RHOU: variants seen among roughly 807,000 people sequenced by gnomAD.
RHOU encodes ras homolog family member U.
In RHOU, 8 loss-of-function variants were observed where a neutral mutation model predicts 12.6. The ratio of observed to expected loss-of-function variants is 0.64; its 90% CI spans 0.37 to 1.15. The LOEUF (loss-of-function observed/expected upper bound fraction) is 1.15. Ranked by LOEUF, RHOU falls within the 50% of genes most tolerant of loss-of-function variation. The pLI, the probability that RHOU is intolerant of heterozygous loss-of-function variation, is 0.01. For missense variants in RHOU, 258 were observed against 347.0 expected (o/e 0.74, Z 2.04); for synonymous variants, 161 against 147.4 (o/e 1.09, Z -0.67).
At chr1:228,711,211 A>G in the RHOU span, among the ~76,000 whole-genome samples, 2 of 151,900 alleles carry the variant, frequency 1.3e-5, no homozygotes, top group African/African-American at 4.8e-5. Context: ...AAGAATCAAT[A>G]TCGTGAAAAT....
chr1:228,697,027 C>T, the RHOU span, among the ~76,000 whole-genome samples: 3 of 152,294 alleles, frequency 2.0e-5, no homozygotes, highest in Non-Finnish European at 2.9e-5. Flanking sequence ...AGTGCTCCCA[C>T]CAGATCTGAC....
At chr1:228,704,976 G>A in the RHOU span, among the ~76,000 whole-genome samples, 3 of 151,756 alleles carry the variant, frequency 2.0e-5, no homozygotes, top group Admixed American at 6.6e-5. Context: ...AATTTTTTGT[G>A]TTTTTACTAG....
chr1:228,679,708 C>T, the RHOU span, among the ~76,000 whole-genome samples: 5 of 151,946 alleles, frequency 3.3e-5, no homozygotes, highest in Admixed American at 1.3e-4. Flanking sequence ...TTAAAGCATG[C>T]GGTGGGATGG....
chr1:228,715,987 T>C, the RHOU span, among the ~76,000 whole-genome samples: 110 of 151,994 alleles, frequency 7.2e-4, no homozygotes, highest in Non-Finnish European at 1.1e-3. Flanking sequence ...TGATCATGAT[T>C]CACTGCAGTC....
At chr1:228,673,074 C>T in the RHOU span, among the ~76,000 whole-genome samples, 2 of 152,120 alleles carry the variant, frequency 1.3e-5, no homozygotes, top group Non-Finnish European at 2.9e-5. Context: ...AATATACGTG[C>T]CCCAAATGCA....
At chr1:228,712,477 G>C in the RHOU span, among the ~76,000 whole-genome samples, 1 of 152,030 alleles carries the variant, frequency 6.6e-6, no homozygotes, top group Non-Finnish European at 1.5e-5. Flanking sequence ...ATACTATTCA[G>C]CCATACAAAA....
At chr1:228,666,069 C>G in the RHOU span, among the ~76,000 whole-genome samples, 2 of 151,850 alleles carry the variant, frequency 1.3e-5, no homozygotes, top group Admixed American at 6.6e-5. Context: ...GTGATCCCCC[C>G]ACCTGAGCCT....
Position 228,744,024 on chromosome 1 carries a change from T to C in RHOU, c.*284T>C. ...ACCTCTGGTTAATTTATATCTAATA[T>C]GAAGAAGACACCTCTAATCTGGATG... On this transcript the variant is annotated 3_prime_UTR_variant, in exon 3 of 3. Transcript: ENST00000366691. 1 of 333,048 alleles carries C rather than the reference T, an allele frequency of 3.0e-6. No homozygotes were observed. Among genetic ancestry groups the C allele is most frequent in the Non-Finnish European group, 5.5e-6 (1 of 181,550 alleles). 20.6% of individuals were successfully genotyped at this position (333,048 alleles called of 1,614,324 possible). A position where few individuals can be genotyped will look rare whatever the true frequency, so the allele number is the denominator to read the frequency against.
At chr1:228,723,691 T>A in the RHOU span, among the ~76,000 whole-genome samples, 3 of 152,370 alleles carry the variant, frequency 2.0e-5, no homozygotes, top group Middle Eastern at 0.01. Context: ...GGAGCTGCCG[T>A]AAAAGAAATG....
At chr1:228,646,588 G>A in the RHOU span, among the ~76,000 whole-genome samples, 7 of 130,214 alleles carry the variant, frequency 5.4e-5, 1 homozygote, top group African/African-American at 1.8e-4. Flanking sequence ...ACCCGGCCGG[G>A]GGGGCAAGAG....
the RHOU span, chr1:228,687,581 G>C: frequency 6.4e-7 from 1 of 1,554,846 alleles, no homozygotes; most frequent in Non-Finnish European, 8.8e-7. Context: ...ATGCGATGGA[G>C]TGTGCATTAC....
In RHOU at chr1:228,745,591, A is replaced by G. The variant is rs1020714674; in HGVS notation, c.*1851A>G. The G allele has an allele frequency of 2.6e-5, 4 of 152,242 alleles. No homozygotes were observed. The highest frequency in any genetic ancestry group is 1.3e-4 in the Admixed American group (2 of 15,286). 9.4% of individuals were successfully genotyped at this position (152,242 alleles called of 1,614,324 possible). On this transcript the variant is annotated 3_prime_UTR_variant, in exon 3 of 3. Transcript: ENST00000366691. ...AATACATAGACTGATTGATTATTCAACACATTGGAATTGATGTCGGTCATA... is the reference window on the plus strand; with the variant it reads ...AATACATAGACTGATTGATTATTCAGCACATTGGAATTGATGTCGGTCATA...
chr1:228,658,648 A>G, the RHOU span, among the ~76,000 whole-genome samples: 3 of 152,230 alleles, frequency 2.0e-5, no homozygotes, highest in Non-Finnish European at 4.4e-5. Context: ...TTCTTAAACA[A>G]CCAATGGGTT....
chr1:228,682,454 GTCAGCAAAGGGTGGTGGGATTA>G, the RHOU span, among the ~76,000 whole-genome samples: 2,856 of 152,292 alleles, frequency 0.019, 148 homozygotes, highest in East Asian at 0.17. Flanking sequence ...CAAAAAGAGA[GTCAGCAAAGGGTGGTGGGATTA>G]TCATTAGTTC....
the RHOU span, among the ~76,000 whole-genome samples, chr1:228,688,613 G>C: frequency 6.6e-6 from 1 of 152,170 alleles, no homozygotes; most frequent in African/African-American, 2.4e-5. Context: ...GCTGATTTGT[G>C]TTCTAGCCCA....
chr1:228,652,814 T>C, the RHOU span, among the ~76,000 whole-genome samples: 9 of 152,226 alleles, frequency 5.9e-5, no homozygotes, highest in Non-Finnish European at 1.3e-4. Context: ...TTTACTTATA[T>C]GTTTTGTTTC....
chr1:228,706,846 A>T, the RHOU span, among the ~76,000 whole-genome samples: 5 of 151,932 alleles, frequency 3.3e-5, no homozygotes, highest in Admixed American at 3.3e-4. Context: ...TATATCATTG[A>T]CTATCAAGAA....
chr1:228,653,058 G>A, the RHOU span, among the ~76,000 whole-genome samples: 2 of 152,122 alleles, frequency 1.3e-5, no homozygotes, highest in Admixed American at 1.3e-4. Context: ...TGGTTACATT[G>A]CCATGACTTT....
the RHOU span, among the ~76,000 whole-genome samples, chr1:228,719,545 C>A: frequency 1.6e-4 from 25 of 152,254 alleles, no homozygotes; most frequent in East Asian, 3.1e-3. Flanking sequence ...GCCTGGCCAA[C>A]ATGGTGAAAC....
Sources: allele counts gnomAD v4.1 joint callset (sites outside exome capture counted in the v4.1 genomes callset), GRCh38; gene constraint gnomAD v4.1.1; transcripts MANE v1.5; gene names NCBI Gene and HGNC (gene_info 2026-07-23, HGNC 2026-07-21).